The following GALNT14 variants were observed in gnomAD, a reference collection of about 807,000 sequenced individuals.
The protein encoded by GALNT14 is UDP-GalNAc:polypeptide N-acetylgalactosaminyltransferase 14.
In GALNT14, 60 loss-of-function variants were observed where a neutral mutation model predicts 77.5. That is an observed-to-expected ratio of 0.77 (90% CI 0.63 to 0.96). The LOEUF (loss-of-function observed/expected upper bound fraction) is 0.96. GALNT14 is among the 40% of genes least tolerant of loss of function. The pLI is 0.00. For synonymous variants in GALNT14, 280 were observed against 281.7 expected, an observed-to-expected ratio of 0.99 and a Z score of 0.06; for missense variants, 710 against 731.0, an observed-to-expected ratio of 0.97 and a Z score of 0.33.
intron 1 of GALNT14, among the ~76,000 whole-genome samples, chr2:31,001,556 T>C (rs1032616943): frequency 6.6e-6 from 1 of 152,158 alleles, no homozygotes; most frequent in African/African-American, 2.4e-5. Context: ...ATGTAAGTCC[T>C]ATGTGGAGGA....
At chr2:31,055,300 A>G (rs1674140485) in intron 1 of GALNT14, among the ~76,000 whole-genome samples, 1 of 152,214 alleles carries the variant, frequency 6.6e-6, no homozygotes, top group African/African-American at 2.4e-5. Context: ...ATTTATCCTA[A>G]TATTTTAAAG....
intron 1 of GALNT14, chr2:31,129,374 CTCTTA>C (rs1362742478): frequency 3.0e-6 from 3 of 985,258 alleles, no homozygotes; most frequent in African/African-American, 3.5e-5. Flanking sequence ...AAAAAGCTAC[CTCTTA>C]TCTTCTTTTC....
At chr2:31,065,814 C>G (rs1446294944) in intron 1 of GALNT14, among the ~76,000 whole-genome samples, 1 of 152,140 alleles carries the variant, frequency 6.6e-6, no homozygotes, top group Non-Finnish European at 1.5e-5. Flanking sequence ...AATGAAGAGC[C>G]CAGCAGAAGT....
chr2:31,077,446 T>C (rs1170896502), intron 1 of GALNT14, among the ~76,000 whole-genome samples: 1 of 152,178 alleles, frequency 6.6e-6, no homozygotes, highest in Non-Finnish European at 1.5e-5. Context: ...ATTCTGTCCT[T>C]TTCCCTTCAA....
rs555329617 is a variant in GALNT14 at position 30,996,051 on chromosome 2, G to A, written c.130-3044C>T. ...TTTTCAGACCTTCAGTGAATTAGACGGGGCCACCAACGCTGGGGAGGGCAA... is the reference window on the plus strand; with the variant it reads ...TTTTCAGACCTTCAGTGAATTAGACAGGGCCACCAACGCTGGGGAGGGCAA... On this transcript the variant is annotated intron_variant, in intron 1 of 14. Coordinates refer to ENST00000349752, the MANE Select transcript of GALNT14 (RefSeq NM_024572.4). Among the ~76,000 whole-genome samples, 555 of 152,258 alleles carry A rather than the reference G, an allele frequency of 3.6e-3. 2 individuals carry two copies. The highest frequency in any genetic ancestry group is 0.013 in the African/African-American group (529 of 41,558).
intron 4 of GALNT14, among the ~76,000 whole-genome samples, chr2:30,957,663 G>T (rs1050958228): frequency 6.6e-6 from 1 of 152,196 alleles, no homozygotes; most frequent in African/African-American, 2.4e-5. Flanking sequence ...CGCAGTGTGG[G>T]GGTGGCTCCC....
rs149431826 is a variant in GALNT14 at position 30,912,267 on chromosome 2, C to T, written c.1456G>A (p.Ala486Thr). The change falls in exon 14 of 15, where the codon GCC (alanine) becomes ACC (threonine). Residue 486 changes from alanine (A) to threonine (T), a missense_variant. Physicochemically the swap from Ala to Thr is moderately conservative, Grantham distance 58. Coordinates refer to ENST00000349752, the MANE Select transcript of GALNT14 (RefSeq NM_024572.4). ...TTGCAAAGGACAAGAACCACTGGGG[C>T]GCCAGGGAACAAGGTGATGACTGAC... ...CLSVITLFPG[A>T]PVVLVLCKNG... is the part of the protein sequence containing the mutation. 4.4e-5 allele frequency: 71 copies of T among 1,614,008 alleles called. 1 individual carries two copies. The highest frequency in any genetic ancestry group is 1.6e-4 in the South Asian group (15 of 91,080).
At position 31,057,409 on chromosome 2, in the gene GALNT14, GTA is replaced by G. The variant is rs376361271; in HGVS notation, c.130-64404_130-64403del. Among the ~76,000 whole-genome samples the G allele has an allele frequency of 3.2e-3, 401 of 124,812 alleles. 2 individuals are homozygous for G. Among genetic ancestry groups the G allele is most frequent in the African/African-American group, 8.1e-3 (272 of 33,596 alleles). 81.9% of individuals were successfully genotyped at this position (124,812 alleles called of 152,430 possible). ...ATATATATATACACAGCTGTTGCAGGTATATATATATATATATACACACACAC... is the reference window on the plus strand; with the variant it reads ...ATATATATATACACAGCTGTTGCAGGTATATATATATATATACACACACAC... On this transcript the variant is annotated intron_variant, in intron 1 of 14. Transcript: ENST00000349752.
At chr2:31,063,105 T>G (rs926160480) in intron 1 of GALNT14, among the ~76,000 whole-genome samples, 1 of 152,218 alleles carries the variant, frequency 6.6e-6, no homozygotes, top group Admixed American at 6.5e-5. Context: ...TGCAATTGCT[T>G]TTGGTGTTTT....
rs537163169 is a variant in GALNT14, at chr2:31,010,321, T to C, written c.130-17314A>G. 5.8e-4 allele frequency among the ~76,000 whole-genome samples: 89 copies of C among 152,172 alleles called. No individual in the cohort carries two copies. The Middle Eastern group carries it at 0.014, about 23-fold the overall frequency. ...CCTTCTTAAAAACGACATCTGTGGC[T>C]GGGCGTGGTAGCTCATGCCTGTAAT... On this transcript the variant is annotated intron_variant, in intron 1 of 14. Coordinates refer to ENST00000349752, the MANE Select transcript of GALNT14 (RefSeq NM_024572.4).
chr2:30,972,405 T>G (rs538240204), intron 2 of GALNT14, among the ~76,000 whole-genome samples: 23 of 152,176 alleles, frequency 1.5e-4, no homozygotes, highest in Non-Finnish European at 2.8e-4. Flanking sequence ...AGCTCCCGGT[T>G]TACAGTGATG....
intron 1 of GALNT14, among the ~76,000 whole-genome samples, chr2:31,057,101 A>G (rs1225571391): frequency 6.6e-6 from 1 of 151,970 alleles, no homozygotes; most frequent in South Asian, 2.1e-4. Flanking sequence ...ATACAAAGAC[A>G]GCAACAATAG....
the GALNT14 span, among the ~76,000 whole-genome samples, chr2:30,893,704 G>A: frequency 6.6e-6 from 1 of 152,088 alleles, no homozygotes; most frequent in African/African-American, 2.4e-5. Flanking sequence ...TGTCTCTGGG[G>A]AAAGGGAGTC....
intron 1 of GALNT14, among the ~76,000 whole-genome samples, chr2:30,997,339 C>T (rs1431894003): frequency 6.6e-6 from 1 of 152,196 alleles, no homozygotes; most frequent in Non-Finnish European, 1.5e-5. Flanking sequence ...AGGACACCAG[C>T]CTCCTCCCTG....
chr2:30,990,049 G>T (rs1406990706), intron 2 of GALNT14, among the ~76,000 whole-genome samples: 1 of 151,902 alleles, frequency 6.6e-6, no homozygotes, highest in Non-Finnish European at 1.5e-5. Flanking sequence ...TGGATTCACA[G>T]CAGAGATCTT....
intron 1 of GALNT14, among the ~76,000 whole-genome samples, chr2:31,050,716 C>T (rs958646804): frequency 1.3e-5 from 2 of 151,774 alleles, no homozygotes; most frequent in Admixed American, 1.3e-4. Flanking sequence ...TGGAAACTCC[C>T]TAGTCTCTTT....
At chr2:31,104,893 A>G (rs765399884) in intron 1 of GALNT14, among the ~76,000 whole-genome samples, 20 of 152,186 alleles carry the variant, frequency 1.3e-4, no homozygotes. Flanking sequence ...CTGAAATTTT[A>G]CCATGTTTCC....
chr2:30,914,262 A>T (rs1484900570), intron 13 of GALNT14, among the ~76,000 whole-genome samples: 2 of 152,170 alleles, frequency 1.3e-5, no homozygotes, highest in East Asian at 3.9e-4. Context: ...AGTGGCCCCC[A>T]CACCAACTTT....
At chr2:30,940,205 G>A (rs908656970) in intron 9 of GALNT14, among the ~76,000 whole-genome samples, 8 of 152,262 alleles carry the variant, frequency 5.3e-5, no homozygotes, top group Admixed American at 5.2e-4. Flanking sequence ...ATTCCAATCA[G>A]CCCTTGTTGA....
Sources: gnomAD v4.1 joint callset for allele counts (sites outside exome capture counted in the v4.1 genomes callset) on GRCh38, gnomAD v4.1.1 for gene constraint, MANE v1.5 for transcripts, NCBI Gene and HGNC (gene_info 2026-07-23, HGNC 2026-07-21) for gene names.